Variants in PLEKHA5 observed in about 807,000 individuals in gnomAD.
PLEKHA5 encodes pleckstrin homology domain-containing family A member 5.
In PLEKHA5, 55 loss-of-function variants were observed where a neutral mutation model predicts 181.9. The ratio of observed to expected loss-of-function variants is 0.30; its 90% confidence interval spans 0.24 to 0.38. The LOEUF (loss-of-function observed/expected upper bound fraction) is 0.38, where lower values mean the gene tolerates loss of function less well. Among genes scored for constraint, PLEKHA5 ranks in the 10% least tolerant of loss-of-function variants. The pLI, the probability that PLEKHA5 is intolerant of heterozygous loss-of-function variation, is 1.00. For synonymous variants in PLEKHA5, 535 were observed against 529.4 expected (o/e 1.01, Z -0.15); for missense variants, 1,432 against 1,549.5 (o/e 0.92, Z 1.27).
intron 3 of PLEKHA5, among the ~76,000 whole-genome samples, chr12:19,192,802 A>G (rs1374557000): frequency 6.6e-6 from 1 of 152,246 alleles, no homozygotes; most frequent in African/African-American, 2.4e-5. Flanking sequence ...GATCAGAGGC[A>G]TGTGGTACTA....
At chr12:19,176,991 C>A (rs992513898) in intron 3 of PLEKHA5, among the ~76,000 whole-genome samples, 1 of 152,048 alleles carries the variant, frequency 6.6e-6, no homozygotes, top group Non-Finnish European at 1.5e-5. Flanking sequence ...CCTCGGCCTC[C>A]TGAGTAGCTG....
chr12:19,189,221 C>A (rs1347229565), intron 3 of PLEKHA5, among the ~76,000 whole-genome samples: 2 of 152,074 alleles, frequency 1.3e-5, no homozygotes, highest in East Asian at 3.9e-4. Context: ...TGTGCAGGAC[C>A]AAGTAGCTTC....
chr12:19,209,152 C>A (rs2056381380), intron 3 of PLEKHA5, among the ~76,000 whole-genome samples: 1 of 152,198 alleles, frequency 6.6e-6, no homozygotes. Context: ...AAAAGAACTC[C>A]TATCAGAGCA....
intron 3 of PLEKHA5, among the ~76,000 whole-genome samples, chr12:19,247,935 AAGAG>A (rs59039476): frequency 0.044 from 6,640 of 150,360 alleles, 212 homozygotes; most frequent in Middle Eastern, 0.092. Context: ...TTAAAAAAAA[AAGAG>A]AGAGAGAGAG....
At chr12:19,321,908 G>C (rs913232170) in intron 18 of PLEKHA5, among the ~76,000 whole-genome samples, 4 of 152,022 alleles carry the variant, frequency 2.6e-5, no homozygotes, top group Admixed American at 2.6e-4. Context: ...ATACTTTCTT[G>C]TACTTTCATA....
At chr12:19,180,768 A>AT (rs2048343407) in intron 3 of PLEKHA5, among the ~76,000 whole-genome samples, 2 of 150,274 alleles carry the variant, frequency 1.3e-5, no homozygotes, top group African/African-American at 4.9e-5. Flanking sequence ...AATATTTAAA[A>AT]AATATATATC....
intron 3 of PLEKHA5, among the ~76,000 whole-genome samples, chr12:19,136,900 A>G (rs1222177391): frequency 2.0e-5 from 3 of 152,168 alleles, no homozygotes; most frequent in Non-Finnish European, 2.9e-5. Flanking sequence ...TACCAAAACT[A>G]GCGTTGCAAG....
At chr12:19,329,839 G>A (rs1419839325) in intron 20 of PLEKHA5, among the ~76,000 whole-genome samples, 1 of 152,130 alleles carries the variant, frequency 6.6e-6, no homozygotes. Context: ...CACTTTGGGA[G>A]GCTGAGGTAG....
At chr12:19,307,659 CGTT>C (rs1175526481) in intron 15 of PLEKHA5, 2 of 327,636 alleles carry the variant, frequency 6.1e-6, no homozygotes, top group Non-Finnish European at 1.2e-5. Flanking sequence ...GTCTAGGAGT[CGTT>C]GATGATTCAA....
Position 19,293,115 on chromosome 12 carries a change from A to G in PLEKHA5, c.2037+1418A>G, listed in dbSNP as rs189237275. On this transcript the variant is annotated intron_variant, in intron 15 of 31. Coordinates refer to ENST00000429027, the MANE Select transcript of PLEKHA5 (RefSeq NM_001256470.2). ...ATTCTAGCTTGTTTCAAAATGTCCA[A>G]ACTTGACTATTTTATCAAATAAAGA... 3.4e-3 allele frequency among the ~76,000 whole-genome samples: 522 copies of G among 152,266 alleles called. 2 individuals are homozygous for G. The highest frequency in any genetic ancestry group is 5.9e-3 in the Admixed American group (90 of 15,282).
At chr12:19,361,343 C>T (rs1359091769) in intron 28 of PLEKHA5, among the ~76,000 whole-genome samples, 1 of 151,906 alleles carries the variant, frequency 6.6e-6, no homozygotes, top group African/African-American at 2.4e-5. Flanking sequence ...CCACCACACC[C>T]CACTAATTTT....
At chr12:19,173,318 C>T (rs184568864) in intron 3 of PLEKHA5, among the ~76,000 whole-genome samples, 7 of 152,194 alleles carry the variant, frequency 4.6e-5, no homozygotes, top group South Asian at 4.1e-4. Context: ...CCACCGCGCC[C>T]GGCCCTTGAT....
chr12:19,327,553 C>T (rs2092341511), intron 20 of PLEKHA5, among the ~76,000 whole-genome samples: 1 of 151,526 alleles, frequency 6.6e-6, no homozygotes. Context: ...GCTGTTTACT[C>T]CATTGATAGT....
intron 31 of PLEKHA5, 85 bp from the exon 32 acceptor site, chr12:19,375,446 A>G (rs944480157): frequency 6.6e-6 from 1 of 152,390 alleles, no homozygotes; most frequent in Non-Finnish European, 1.5e-5. Context: ...CTGTTGTTAC[A>G]GAATGTCACC....
At chr12:19,362,391 A>T (rs887076064) in intron 29 of PLEKHA5, among the ~76,000 whole-genome samples, 1 of 151,880 alleles carries the variant, frequency 6.6e-6, no homozygotes, top group Non-Finnish European at 1.5e-5. Context: ...AAAATTAGCC[A>T]GACATGGTGG....
chr12:19,259,641 C>T (rs947745048), intron 6 of PLEKHA5, among the ~76,000 whole-genome samples: 1 of 151,736 alleles, frequency 6.6e-6, no homozygotes, highest in Non-Finnish European at 1.5e-5. Flanking sequence ...ATCCTAGCTA[C>T]TCGGGAGGCT....
intron 3 of PLEKHA5, among the ~76,000 whole-genome samples, chr12:19,167,657 G>T (rs2044805503): frequency 6.6e-6 from 1 of 151,846 alleles, no homozygotes; most frequent in Admixed American, 6.6e-5. Flanking sequence ...TCTTTACTGG[G>T]CTTTCTTGTT....
chr12:19,259,154 C>G (rs375150192), intron 6 of PLEKHA5, among the ~76,000 whole-genome samples: 2 of 151,526 alleles, frequency 1.3e-5, no homozygotes, highest in South Asian at 2.1e-4. Flanking sequence ...CCCAGGAGTT[C>G]GAGACCAGCT....
At chr12:19,300,072 C>CAAAGCG (rs1342187492) in intron 15 of PLEKHA5, among the ~76,000 whole-genome samples, 13 of 152,174 alleles carry the variant, frequency 8.5e-5, no homozygotes, top group Non-Finnish European at 1.5e-5. Context: ...TTACAGTTCA[C>CAAAGCG]AAAGCACCAT....
Sources: gnomAD v4.1 joint callset for allele counts (sites outside exome capture counted in the v4.1 genomes callset) on GRCh38, gnomAD v4.1.1 for gene constraint, MANE v1.5 for transcripts, NCBI Gene and HGNC (gene_info 2026-07-23, HGNC 2026-07-21) for gene names.